TRPC5: variants seen among roughly 807,000 people sequenced by gnomAD.
TRPC5 encodes short transient receptor potential channel 5.
In TRPC5, 9 loss-of-function variants were observed where a neutral mutation model predicts 56.5. That is an observed-to-expected ratio of 0.16 (90% CI 0.10 to 0.28). The LOEUF (loss-of-function observed/expected upper bound fraction) is 0.28. Among genes scored for constraint, TRPC5 ranks in the 10% least tolerant of loss-of-function variants. The pLI is 1.00. For missense variants in TRPC5, 469 were observed against 748.9 expected, an observed-to-expected ratio of 0.63 and a Z score of 4.36; for synonymous variants, 282 against 278.5, an observed-to-expected ratio of 1.01 and a Z score of -0.13.
chrX:112,054,933 G>A (rs918039845), intron 1 of TRPC5, among the ~76,000 whole-genome samples: 1 of 111,107 alleles, frequency 9.0e-6, no homozygotes, highest in Non-Finnish European at 1.9e-5. Flanking sequence ...TTGAGGACTC[G>A]AGTTCAGAGG....
At chrX:111,808,019 G>T (rs375686105) in intron 7 of TRPC5, among the ~76,000 whole-genome samples, 19 of 108,312 alleles carry the variant, frequency 1.8e-4, no homozygotes, top group East Asian at 8.7e-4. Context: ...TGGAGTTGGG[G>T]GGAGGTAACA....
intron 7 of TRPC5, among the ~76,000 whole-genome samples, chrX:111,798,319 G>A (rs1389890243): frequency 8.9e-6 from 1 of 111,935 alleles, no homozygotes; most frequent in African/African-American, 3.2e-5. Flanking sequence ...CCATTGTGGT[G>A]AGCTCAGGTG....
intron 1 of TRPC5, among the ~76,000 whole-genome samples, chrX:112,003,578 G>A: frequency 9.1e-6 from 1 of 110,322 alleles, no homozygotes. Flanking sequence ...GGTGGGGAGT[G>A]CTGGTTTGCA....
In TRPC5 at chrX:111,772,631, C is replaced by T. The variant is rs1023337619; in HGVS notation, c.*3682G>A. ...TATTTTTAGTAGAGATGGGTTTCAC[C>T]ATGTTGGCCAGGCTGATCTCAAACT... On this transcript the variant is annotated 3_prime_UTR_variant, in exon 11 of 11. Coordinates refer to ENST00000262839, the MANE Select transcript of TRPC5 (RefSeq NM_012471.3). 1.8e-5 allele frequency among the ~76,000 whole-genome samples: 2 copies of T among 110,130 alleles called. No homozygotes were observed. Among genetic ancestry groups the T allele is most frequent in the African/African-American group, 3.3e-5 (1 of 30,240 alleles).
chrX:111,997,136 C>T (rs1603137437), intron 1 of TRPC5, among the ~76,000 whole-genome samples: 1 of 111,592 alleles, frequency 9.0e-6, no homozygotes, highest in African/African-American at 3.3e-5. Flanking sequence ...GTGGCTGGTA[C>T]CGGTTGTTTC....
At chrX:111,970,307 C>T (rs1927743895) in intron 1 of TRPC5, among the ~76,000 whole-genome samples, 1 of 111,763 alleles carries the variant, frequency 8.9e-6, no homozygotes, top group African/African-American at 3.3e-5. Context: ...TAACTTTTAA[C>T]GTTTTAACTT....
rs999418457 is a variant in TRPC5, at chrX:112,037,444, T to A, written c.-22+44435A>T. On this transcript the variant is annotated intron_variant, in intron 1 of 10. Coordinates refer to ENST00000262839, the MANE Select transcript of TRPC5 (RefSeq NM_012471.3). ...GCTCTATCCGGCTTGTACTGGCTACTTCCTCTAGAATCTGACTATTTTATT... is the reference window on the plus strand; with the variant it reads ...GCTCTATCCGGCTTGTACTGGCTACATCCTCTAGAATCTGACTATTTTATT... 3.6e-5 allele frequency among the ~76,000 whole-genome samples: 4 copies of A among 112,053 alleles called. No homozygotes were observed. The South Asian group carries it at 1.5e-3, about 42-fold the overall frequency.
intron 1 of TRPC5, among the ~76,000 whole-genome samples, chrX:112,039,089 G>A (rs1929829484): frequency 9.0e-6 from 1 of 110,653 alleles, no homozygotes; most frequent in African/African-American, 3.3e-5. Context: ...TTATGTTACA[G>A]GTATGTAATG....
chrX:111,926,049 C>T (rs953517624), intron 2 of TRPC5, among the ~76,000 whole-genome samples: 13 of 112,198 alleles, frequency 1.2e-4, no homozygotes, highest in African/African-American at 4.2e-4. Flanking sequence ...CTGGACATTG[C>T]CAAATGTCTC....
chrX:111,979,918 C>A (rs764803905), intron 1 of TRPC5, among the ~76,000 whole-genome samples: 2 of 111,662 alleles, frequency 1.8e-5, no homozygotes, highest in Admixed American at 1.9e-4. Flanking sequence ...TTAGCAATTT[C>A]TTTTAAAAGT....
intron 7 of TRPC5, among the ~76,000 whole-genome samples, chrX:111,789,709 A>T (rs1569525255): frequency 8.9e-6 from 1 of 112,473 alleles, no homozygotes; most frequent in African/African-American, 3.2e-5. Context: ...GAACTCAAGC[A>T]AATTTACAAG....
intron 1 of TRPC5, among the ~76,000 whole-genome samples, chrX:112,042,330 A>G: frequency 9.0e-6 from 1 of 111,448 alleles, no homozygotes; most frequent in Non-Finnish European, 1.9e-5. Flanking sequence ...TTTGGAGGAA[A>G]AATAAAGGGT....
intron 1 of TRPC5, among the ~76,000 whole-genome samples, chrX:112,043,139 G>A (rs977721578): frequency 5.4e-5 from 6 of 111,684 alleles, no homozygotes; most frequent in African/African-American, 1.6e-4. Context: ...TTTGAGGTAG[G>A]AACTGTGGTT....
intron 2 of TRPC5, among the ~76,000 whole-genome samples, chrX:111,943,893 C>T (rs933802014): frequency 3.6e-5 from 4 of 112,044 alleles, no homozygotes; most frequent in Admixed American, 9.5e-5. Context: ...TGAGGAGTAC[C>T]GTTTGCCAGC....
At chrX:111,976,725 G>T (rs1422924696) in intron 1 of TRPC5, among the ~76,000 whole-genome samples, 1 of 111,254 alleles carries the variant, frequency 9.0e-6, no homozygotes, top group African/African-American at 3.3e-5. Flanking sequence ...GATCATGTAT[G>T]TAGAAAACCC....
intron 7 of TRPC5, among the ~76,000 whole-genome samples, chrX:111,827,225 AT>A (rs1289778577): frequency 9.0e-6 from 1 of 111,379 alleles, no homozygotes. Flanking sequence ...CAGCCTCTAA[AT>A]ATTGGAGTGC....
chrX:112,027,062 T>C (rs1929432420), intron 1 of TRPC5, among the ~76,000 whole-genome samples: 1 of 111,898 alleles, frequency 8.9e-6, no homozygotes, highest in Admixed American at 9.5e-5. Context: ...AAGCAACAGT[T>C]ACCACATTTC....
chrX:111,940,134 A>G (rs921768130), intron 2 of TRPC5, among the ~76,000 whole-genome samples: 71 of 112,041 alleles, frequency 6.3e-4, no homozygotes, highest in African/African-American at 2.3e-3. Flanking sequence ...TAATTTCTAT[A>G]GGTTCATGTA....
chrX:112,058,992 C>T (rs900597986), intron 1 of TRPC5, among the ~76,000 whole-genome samples: 6 of 111,342 alleles, frequency 5.4e-5, no homozygotes, highest in Non-Finnish European at 1.1e-4. Flanking sequence ...CAGACTGGCT[C>T]GAGAGCCTCT....
Sources: allele counts gnomAD v4.1 joint callset (sites outside exome capture counted in the v4.1 genomes callset), GRCh38; gene constraint gnomAD v4.1.1; transcripts MANE v1.5; gene names NCBI Gene and HGNC (gene_info 2026-07-23, HGNC 2026-07-21).